Variants in ARHGEF17 observed in about 807,000 individuals in gnomAD.
ARHGEF17 encodes Rho guanine nucleotide exchange factor 17.
In ARHGEF17, 80 loss-of-function variants were observed where a neutral mutation model predicts 174.0. The ratio of observed to expected loss-of-function variants is 0.46; its 90% CI spans 0.38 to 0.55. The LOEUF (loss-of-function observed/expected upper bound fraction) is 0.55. Ranked by LOEUF, ARHGEF17 falls within the 20% of genes least tolerant of loss-of-function variation. The pLI is 0.00. For synonymous variants in ARHGEF17, 1,311 were observed against 1,189.1 expected, an observed-to-expected ratio of 1.10 and a Z score of -2.11; for missense variants, 2,886 against 2,839.7, an observed-to-expected ratio of 1.02 and a Z score of -0.37.
intron 1 of ARHGEF17, among the ~76,000 whole-genome samples, chr11:73,322,378 C>T (rs1401521070): frequency 6.6e-6 from 1 of 152,184 alleles, no homozygotes; most frequent in Non-Finnish European, 1.5e-5. Context: ...AGAAACCAGC[C>T]ATGTTTTCTA....
intron 20 of ARHGEF17, 75 bp downstream of exon 20, chr11:73,366,022 G>C: frequency 6.6e-7 from 1 of 1,524,486 alleles, no homozygotes; most frequent in Non-Finnish European, 8.8e-7. Context: ...CCTGCCAGAA[G>C]AGCTTTCAAG....
chr11:73,321,610 C>A (rs971252417), intron 1 of ARHGEF17, among the ~76,000 whole-genome samples: 2 of 152,210 alleles, frequency 1.3e-5, no homozygotes, highest in Non-Finnish European at 2.9e-5. Flanking sequence ...GAGCGCTCAG[C>A]CCTGGGCGCT....
chr11:73,329,246 G>T (rs939569038), intron 1 of ARHGEF17, among the ~76,000 whole-genome samples: 2 of 143,582 alleles, frequency 1.4e-5, no homozygotes, highest in Admixed American at 7.0e-5. Context: ...ACAGATGGTA[G>T]CACACCGCTT....
At chr11:73,312,653 G>A (rs1390035948) in intron 1 of ARHGEF17, among the ~76,000 whole-genome samples, 2 of 152,004 alleles carry the variant, frequency 1.3e-5, no homozygotes, top group East Asian at 3.9e-4. Flanking sequence ...GGCTGCAGAG[G>A]CTGGGCAGCC....
intron 13 of ARHGEF17, 48 bp from the exon 14 acceptor site, chr11:73,362,385 C>A: frequency 1.4e-6 from 2 of 1,479,072 alleles, no homozygotes; most frequent in Admixed American, 2.4e-5. Context: ...ACCACCGGGG[C>A]CCCGTCTGGC....
chr11:73,358,196 T>A (rs1213918387), intron 9 of ARHGEF17, among the ~76,000 whole-genome samples: 1 of 152,164 alleles, frequency 6.6e-6, no homozygotes. Flanking sequence ...ATCGGCTTCA[T>A]CTCTTCAGGC....
chr11:73,326,221 G>A (rs1370448679), intron 1 of ARHGEF17, among the ~76,000 whole-genome samples: 1 of 152,152 alleles, frequency 6.6e-6, no homozygotes, highest in Non-Finnish European at 1.5e-5. Context: ...GGCAGTGGCT[G>A]GAATCTTGAA....
At chr11:73,329,790 CT>C (rs1865175745) in intron 1 of ARHGEF17, among the ~76,000 whole-genome samples, 2 of 152,116 alleles carry the variant, frequency 1.3e-5, no homozygotes, top group Admixed American at 6.5e-5. Flanking sequence ...TTTTTTCAGT[CT>C]TTTGCTGTTA....
In ARHGEF17 at chr11:73,352,898, C is replaced by T; in HGVS notation, c.3339C>T (p.Ile1113=). Residue 1113 remains isoleucine, a synonymous_variant, in exon 3 of 21, where the codon ATC becomes ATT. Coordinates refer to ENST00000263674, the MANE Select transcript of ARHGEF17 (RefSeq NM_014786.4). ...GTGACCCTTCACTGGTGGACGAGAT[C>T]TTCGACCAGATCCCCGAGCTCCTGG... ...VLCDPSLVDE[I]FDQIPELLEH... 6.2e-7 allele frequency: 1 copy of T among 1,614,168 alleles called. No individual in the cohort carries two copies. The highest frequency in any genetic ancestry group is 1.1e-5 in the South Asian group (1 of 91,086).
chr11:73,311,344 C>G lies in ARHGEF17; in HGVS notation c.2706C>G (p.Asn902Lys), dbSNP rs765506319. 39 of 1,613,396 alleles carry G rather than the reference C, an allele frequency of 2.4e-5. No homozygotes were observed. The highest frequency in any genetic ancestry group is 3.1e-5 in the Non-Finnish European group (36 of 1,180,038). ...CTCCCCCTGCCACTGCCCACCGAAA[C>G]TTTCACCTTGACCCCAAGCTGGCTG... is the stretch of plus-strand genomic sequence containing the variant. ...ALPPPATAHR[N>K]FHLDPKLADI... Residue 902 changes from asparagine to lysine, a missense_variant, in exon 1 of 21, where the codon AAC (asparagine) becomes AAG (lysine). Physicochemically the swap from Asn to Lys is moderately conservative, Grantham distance 94. This residue lies in a region of ARHGEF17 where 1,728 missense variants were observed against 1,461.2 expected (regional missense o/e 1.18). Coordinates refer to ENST00000263674, the MANE Select transcript of ARHGEF17 (RefSeq NM_014786.4).
chr11:73,322,956 T>A (rs909907780), intron 1 of ARHGEF17, among the ~76,000 whole-genome samples: 1 of 152,014 alleles, frequency 6.6e-6, no homozygotes, highest in Non-Finnish European at 1.5e-5. Context: ...AATCTGGGAA[T>A]TCGAATTTAG....
intron 2 of ARHGEF17, among the ~76,000 whole-genome samples, chr11:73,348,975 G>C (rs1865509163): frequency 6.6e-6 from 1 of 151,834 alleles, no homozygotes; most frequent in Non-Finnish European, 1.5e-5. Flanking sequence ...GTATGTCAGG[G>C]ACAAAGGCCA....
At chr11:73,336,594 C>T (rs1016162884) in intron 1 of ARHGEF17, among the ~76,000 whole-genome samples, 1 of 152,268 alleles carries the variant, frequency 6.6e-6, no homozygotes, top group Non-Finnish European at 1.5e-5. Flanking sequence ...CTGGACCCCT[C>T]TGGGGCAATA....
chr11:73,313,936 G>A (rs1864885910), intron 1 of ARHGEF17, among the ~76,000 whole-genome samples: 1 of 152,222 alleles, frequency 6.6e-6, no homozygotes, highest in Non-Finnish European at 1.5e-5. Context: ...GCACTGCCCA[G>A]CTGCTTCTCA....
At position 73,365,358 on chromosome 11, in the gene ARHGEF17, C is replaced by T. The variant is rs1400357941; in HGVS notation, c.5551-32C>T. 1 of 1,612,318 alleles carries T rather than the reference C, an allele frequency of 6.2e-7. No individual in the cohort carries two copies. Among genetic ancestry groups the T allele is most frequent in the Admixed American group, 1.7e-5 (1 of 59,990 alleles). ...GGTGGGCCAAGGGAGGCAGGCCTGC[C>T]AATGACCCATCTTCTCCCCCGCCTT... is the stretch of plus-strand genomic sequence containing the variant. On this transcript the variant is annotated intron_variant, in intron 18 of 20. Transcript: ENST00000263674. This position sits in a 1 kb window ranked among gnomAD's most constrained non-coding sequence, Gnocchi z 4.9.
chr11:73,350,281 A>G (rs1396002452), intron 2 of ARHGEF17, among the ~76,000 whole-genome samples: 2 of 152,228 alleles, frequency 1.3e-5, no homozygotes, highest in East Asian at 1.9e-4. Flanking sequence ...AGTGCCCACT[A>G]TGTGCCAGGC....
At position 73,309,961 on chromosome 11, in the gene ARHGEF17, C is replaced by T; in HGVS notation, c.1323C>T (p.Gly441=). Residue 441 remains glycine, a synonymous_variant, in exon 1 of 21, where the codon GGC becomes GGT. Coordinates refer to ENST00000263674, the MANE Select transcript of ARHGEF17 (RefSeq NM_014786.4). ...GAACCCGTGCCAAAGGACCTGGAGG[C>T]ACCTCTAGGGCATTGAGGGATGGAG... ...QARTRAKGPG[G]TSRALRDGGF... The T allele has an allele frequency of 6.2e-7, 1 of 1,613,874 alleles. No homozygotes were observed. Among genetic ancestry groups the T allele is most frequent in the Non-Finnish European group, 8.5e-7 (1 of 1,179,994 alleles).
chr11:73,321,958 A>G (rs978561312), intron 1 of ARHGEF17, among the ~76,000 whole-genome samples: 1 of 152,126 alleles, frequency 6.6e-6, no homozygotes, highest in Non-Finnish European at 1.5e-5. Flanking sequence ...CTGCTCCCGC[A>G]CAGCGCTGTG....
intron 1 of ARHGEF17, among the ~76,000 whole-genome samples, chr11:73,338,962 A>G (rs1260814104): frequency 6.6e-6 from 1 of 152,028 alleles, no homozygotes; most frequent in East Asian, 1.9e-4. Context: ...GCCCCTGAGA[A>G]TTGTCCAAAC....
Sources: gnomAD v4.1 joint callset for allele counts (sites outside exome capture counted in the v4.1 genomes callset) on GRCh38, gnomAD v4.1.1 for gene constraint, gnomAD v4.1.1 regional missense constraint, Gnocchi (gnomAD v3.1) non-coding constraint, MANE v1.5 for transcripts, NCBI Gene and HGNC (gene_info 2026-07-23, HGNC 2026-07-21) for gene names.